The following CADM2 variants were observed in gnomAD, a reference collection of about 807,000 sequenced individuals.
CADM2 encodes the protein immunoglobulin superfamily member 4D.
Under a neutral mutation model 49.8 loss-of-function variants are expected in CADM2, and 12 were observed. The observed-to-expected ratio is 0.24, with a 90% confidence interval of 0.15 to 0.39. The LOEUF (loss-of-function observed/expected upper bound fraction) is 0.39. CADM2 is among the 10% of genes least tolerant of loss of function. CADM2 has a pLI of 1.00. For synonymous variants in CADM2, 214 were observed against 175.4 expected (o/e 1.22, Z -1.74); for missense variants, 378 against 492.3 (o/e 0.77, Z 2.20).
In CADM2 at chr3:85,059,794, A is replaced by T. The variant is rs867091222; in HGVS notation, c.61+100126A>T. Among the ~76,000 whole-genome samples the T allele has an allele frequency of 2.6e-5, 4 of 152,170 alleles. No homozygotes were observed. The South Asian group carries it at 6.2e-4, about 24-fold the overall frequency. ...TTGTGAGGTCTCCCCAGCCATGTGG[A>T]ACTGTAAGTCCTATAAACCTTTCTT... On this transcript the variant is annotated intron_variant, in intron 1 of 9. Transcript: ENST00000383699.
chr3:85,835,767 A>ATG, intron 3 of CADM2, among the ~76,000 whole-genome samples: 1 of 147,134 alleles, frequency 6.8e-6, no homozygotes, highest in East Asian at 2.0e-4. Flanking sequence ...ATAATATAAT[A>ATG]TATATATATC....
intron 1 of CADM2, among the ~76,000 whole-genome samples, chr3:85,704,954 G>A (rs2066895428): frequency 6.6e-6 from 1 of 150,456 alleles, no homozygotes. Flanking sequence ...CGCCTCCCGG[G>A]TTCACGCCAT....
intron 1 of CADM2, among the ~76,000 whole-genome samples, chr3:85,685,498 C>A (rs1297589420): frequency 6.6e-6 from 1 of 151,922 alleles, no homozygotes; most frequent in Non-Finnish European, 1.5e-5. Context: ...TTTGAACTTT[C>A]CTCTACATTT....
intron 8 of CADM2, among the ~76,000 whole-genome samples, chr3:86,040,599 C>T (rs921365749): frequency 6.6e-5 from 10 of 152,200 alleles, no homozygotes; most frequent in Admixed American, 2.6e-4. Context: ...ACCAAATCGA[C>T]GTCTGATTTG....
intron 1 of CADM2, among the ~76,000 whole-genome samples, chr3:85,112,702 A>G (rs1292597510): frequency 6.6e-6 from 1 of 151,802 alleles, no homozygotes; most frequent in African/African-American, 2.4e-5. Flanking sequence ...GAATTCTTCT[A>G]TAAAATAACA....
intron 1 of CADM2, among the ~76,000 whole-genome samples, chr3:85,271,415 A>C (rs1457397464): frequency 6.6e-6 from 1 of 151,344 alleles, no homozygotes; most frequent in Non-Finnish European, 1.5e-5. Context: ...TGTTAGAATT[A>C]GGAAGCATCA....
chr3:85,124,086 T>G (rs1222950322), intron 1 of CADM2, among the ~76,000 whole-genome samples: 1 of 152,180 alleles, frequency 6.6e-6, no homozygotes, highest in Admixed American at 6.5e-5. Flanking sequence ...GTCCCCTGTG[T>G]TTGCTAATTG....
intron 1 of CADM2, among the ~76,000 whole-genome samples, chr3:85,605,840 AATGTACAGTAAC>A (rs1405031951): frequency 6.6e-5 from 10 of 152,228 alleles, no homozygotes; most frequent in Non-Finnish European, 1.3e-4. Context: ...GTAAAGAGTC[AATGTACAGTAAC>A]ATGTGTTAAT....
At chr3:85,725,064 C>G (rs895102024) in intron 1 of CADM2, among the ~76,000 whole-genome samples, 3 of 151,786 alleles carry the variant, frequency 2.0e-5, no homozygotes, top group African/African-American at 7.2e-5. Context: ...ACCACTTTGT[C>G]TATGTCCATT....
At chr3:85,347,230 A>AAAAG (rs1316885497) in intron 1 of CADM2, among the ~76,000 whole-genome samples, 2 of 147,656 alleles carry the variant, frequency 1.4e-5, no homozygotes, top group African/African-American at 5.0e-5. Context: ...TCACAAAAAA[A>AAAAG]AAAAAAAAAA....
chr3:85,147,689 A>AC (rs80302606), intron 1 of CADM2, among the ~76,000 whole-genome samples: 82,507 of 151,764 alleles, frequency 0.54, 23,108 homozygotes, highest in Non-Finnish European at 0.59. Context: ...TTAGTATTGC[A>AC]CAATAAAGAA....
chr3:85,673,130 C>A (rs2065791579), intron 1 of CADM2, among the ~76,000 whole-genome samples: 1 of 152,094 alleles, frequency 6.6e-6, no homozygotes, highest in South Asian at 2.1e-4. Flanking sequence ...GGACACAGCA[C>A]CAGGGGACAA....
At chr3:85,031,052 T>C (rs962449533) in intron 1 of CADM2, among the ~76,000 whole-genome samples, 5 of 152,100 alleles carry the variant, frequency 3.3e-5, no homozygotes, top group Non-Finnish European at 5.9e-5. Context: ...ATGTTGAAGA[T>C]TTGCTGTGGT....
chr3:85,768,717 C>A (rs940215708), intron 2 of CADM2, among the ~76,000 whole-genome samples: 1 of 142,312 alleles, frequency 7.0e-6, no homozygotes, highest in Middle Eastern at 4.4e-3. Context: ...CATATACACA[C>A]ATATAGTATA....
intron 1 of CADM2, among the ~76,000 whole-genome samples, chr3:85,322,381 A>G (rs1394664658): frequency 1.3e-5 from 2 of 152,110 alleles, no homozygotes; most frequent in African/African-American, 2.4e-5. Flanking sequence ...TTCAAACTCT[A>G]CACTTGAACA....
intron 5 of CADM2, among the ~76,000 whole-genome samples, chr3:85,889,996 G>A (rs1714197318): frequency 6.6e-6 from 1 of 152,104 alleles, no homozygotes; most frequent in Admixed American, 6.6e-5. Context: ...GAGTAAATGT[G>A]TCTTAAACAA....
intron 1 of CADM2, among the ~76,000 whole-genome samples, chr3:85,235,792 A>T (rs1208103791): frequency 6.6e-6 from 1 of 152,016 alleles, no homozygotes; most frequent in African/African-American, 2.4e-5. Context: ...TTACCTCTGT[A>T]ATGCTTTCTT....
At chr3:85,638,255 T>C (rs1181477811) in intron 1 of CADM2, among the ~76,000 whole-genome samples, 1 of 152,178 alleles carries the variant, frequency 6.6e-6, no homozygotes, top group Non-Finnish European at 1.5e-5. Context: ...AATGCATGAA[T>C]TTCAAAGTAC....
intron 5 of CADM2, among the ~76,000 whole-genome samples, chr3:85,903,148 A>T (rs549019241): frequency 1.3e-5 from 2 of 151,932 alleles, no homozygotes; most frequent in South Asian, 4.1e-4. Context: ...CTTGTTATAG[A>T]CCCTGTAATA....
Sources: allele counts gnomAD v4.1 joint callset (sites outside exome capture counted in the v4.1 genomes callset), GRCh38; gene constraint gnomAD v4.1.1; transcripts MANE v1.5; gene names NCBI Gene and HGNC (gene_info 2026-07-23, HGNC 2026-07-21).